SVOP: variants seen among roughly 807,000 people sequenced by gnomAD.
The protein encoded by SVOP is synaptic vesicle 2-related protein.
A neutral mutation model predicts 69.1 loss-of-function variants in SVOP; 17 were observed. The observed-to-expected ratio is 0.25, with a 90% CI of 0.17 to 0.37. The LOEUF is 0.37. SVOP is among the 10% of genes least tolerant of loss of function. SVOP has a pLI of 1.00. For synonymous variants in SVOP, 238 were observed against 238.6 expected (o/e 1.00, Z 0.02); for missense variants, 435 against 597.5 (o/e 0.73, Z 2.84).
At chr12:108,933,223 T>C (rs1395264955) in intron 11 of SVOP, among the ~76,000 whole-genome samples, 5 of 152,078 alleles carry the variant, frequency 3.3e-5, no homozygotes, top group Non-Finnish European at 5.9e-5. Context: ...AATAAGTAAA[T>C]TTAACTAACA....
chr12:108,991,405 G>A (rs1415347111), intron 1 of SVOP, among the ~76,000 whole-genome samples: 1 of 152,044 alleles, frequency 6.6e-6, no homozygotes, highest in African/African-American at 2.4e-5. Context: ...TTTGAGACCA[G>A]GCTGGGCAAC....
chr12:108,920,845 C>T (rs2039744337), intron 12 of SVOP, among the ~76,000 whole-genome samples: 1 of 152,122 alleles, frequency 6.6e-6, no homozygotes, highest in Non-Finnish European at 1.5e-5. Flanking sequence ...AATCTGCCTG[C>T]CTTGGCCTCC....
At chr12:109,015,591 C>T (rs1374757068) in intron 1 of SVOP, among the ~76,000 whole-genome samples, 4 of 151,976 alleles carry the variant, frequency 2.6e-5, no homozygotes. Flanking sequence ...GCGGGAGGGT[C>T]ACTTGGAGCC....
intron 1 of SVOP, 151 bp downstream of exon 1, chr12:109,020,683 T>G: frequency 1.1e-5 from 6 of 566,602 alleles, no homozygotes; most frequent in Non-Finnish European, 1.3e-5. Flanking sequence ...GAAAATGGCT[T>G]GTCTCCTCCA....
At chr12:109,008,021 G>C (rs2040318690) in intron 1 of SVOP, among the ~76,000 whole-genome samples, 1 of 145,584 alleles carries the variant, frequency 6.9e-6, no homozygotes, top group Admixed American at 7.0e-5. Flanking sequence ...CAGGGTGACA[G>C]AGTGAGACCC....
At chr12:108,939,017 T>C in intron 8 of SVOP, 62 bp from the exon 9 acceptor site, 1 of 1,610,582 alleles carries the variant, frequency 6.2e-7, no homozygotes, top group African/African-American at 1.3e-5. Context: ...AGCACTCGCT[T>C]CTAGCCACAC....
At chr12:108,997,695 G>A (rs1352385328) in intron 1 of SVOP, among the ~76,000 whole-genome samples, 2 of 151,390 alleles carry the variant, frequency 1.3e-5, no homozygotes, top group Non-Finnish European at 2.9e-5. Context: ...CCCCCAGCAG[G>A]GGCACACTGA....
intron 5 of SVOP, among the ~76,000 whole-genome samples, chr12:108,968,025 T>C (rs182227054): frequency 1.3e-5 from 2 of 152,110 alleles, no homozygotes; most frequent in Admixed American, 6.6e-5. Flanking sequence ...CCAAGGGAAG[T>C]TGGGATCCTA....
intron 6 of SVOP, among the ~76,000 whole-genome samples, chr12:108,946,618 A>C (rs181679106): frequency 6.6e-6 from 1 of 151,376 alleles, no homozygotes; most frequent in African/African-American, 2.4e-5. Context: ...CTTATCTTCT[A>C]TCTATCTATC....
At chr12:108,942,923 C>T (rs956444994) in intron 7 of SVOP, among the ~76,000 whole-genome samples, 1 of 152,036 alleles carries the variant, frequency 6.6e-6, no homozygotes, top group Non-Finnish European at 1.5e-5. Context: ...TGCCACCACA[C>T]CTGGTTAATT....
intron 5 of SVOP, among the ~76,000 whole-genome samples, chr12:108,963,573 C>T (rs142501757): frequency 3.7e-4 from 56 of 152,202 alleles, no homozygotes; most frequent in African/African-American, 1.3e-3. Context: ...CTGCAACCTC[C>T]GCCTCCTGGG....
intron 1 of SVOP, among the ~76,000 whole-genome samples, chr12:108,995,917 T>C (rs950766140): frequency 3.3e-4 from 49 of 149,778 alleles, no homozygotes; most frequent in African/African-American, 1.1e-3. Flanking sequence ...AAAAAAAATG[T>C]CAATGGTAAA....
intron 1 of SVOP, among the ~76,000 whole-genome samples, chr12:108,984,036 A>G (rs1448572866): frequency 6.6e-6 from 1 of 152,216 alleles, no homozygotes; most frequent in Non-Finnish European, 1.5e-5. Flanking sequence ...GATTGAGGAT[A>G]TCTTTGTTTT....
At chr12:108,956,571 C>T (rs746122579) in intron 6 of SVOP, among the ~76,000 whole-genome samples, 1 of 152,172 alleles carries the variant, frequency 6.6e-6, no homozygotes, top group African/African-American at 2.4e-5. Context: ...TAGGTACATA[C>T]ATTGGACTCT....
At chr12:108,982,207 CCAT>C (rs1365296630) in intron 2 of SVOP, among the ~76,000 whole-genome samples, 29 of 151,178 alleles carry the variant, frequency 1.9e-4, no homozygotes, top group South Asian at 4.2e-4. Context: ...ATCATGATCT[CCAT>C]CATCATCTTC....
At chr12:109,002,243 C>T (rs2040275929) in intron 1 of SVOP, among the ~76,000 whole-genome samples, 1 of 34,166 alleles carries the variant, frequency 2.9e-5, no homozygotes, top group Non-Finnish European at 6.9e-5. Context: ...AAATGCAAAT[C>T]AAAACCACAA....
At chr12:108,965,889 C>T (rs2040042662) in intron 5 of SVOP, among the ~76,000 whole-genome samples, 2 of 152,026 alleles carry the variant, frequency 1.3e-5, no homozygotes, top group South Asian at 4.2e-4. Flanking sequence ...CGCTCCATAC[C>T]ATATTCTAAG....
At chr12:108,944,997 TG>T (rs1465013198) in intron 7 of SVOP, 105 bp downstream of exon 7, 4 of 1,018,862 alleles carry the variant, frequency 3.9e-6, no homozygotes, top group East Asian at 2.6e-5. Flanking sequence ...GAGTCTGTAA[TG>T]TTTTTTTCTT....
intron 4 of SVOP, among the ~76,000 whole-genome samples, chr12:108,976,584 C>T (rs1200308901): frequency 1.3e-5 from 2 of 150,936 alleles, no homozygotes; most frequent in East Asian, 1.9e-4. Context: ...TCCTCTTATC[C>T]AGCCTGGCCA....
Sources: allele counts gnomAD v4.1 joint callset (sites outside exome capture counted in the v4.1 genomes callset), GRCh38; gene constraint gnomAD v4.1.1; transcripts MANE v1.5; gene names NCBI Gene and HGNC (gene_info 2026-07-23, HGNC 2026-07-21).